The following DMD variants were observed in gnomAD, a reference collection of about 807,000 sequenced individuals.
DMD encodes the protein dystrophin.
DMD carries 63 observed loss-of-function variants against 330.1 expected under a neutral mutation model. The observed-to-expected ratio is 0.19, with a 90% CI of 0.16 to 0.24. The LOEUF (loss-of-function observed/expected upper bound fraction) is 0.24. Among genes scored for constraint, DMD ranks in the 10% least tolerant of loss-of-function variants. DMD has a pLI of 1.00. For missense variants in DMD, 3,344 were observed against 2,684.1 expected (o/e 1.25, Z -5.43); for synonymous variants, 1,223 against 959.8 (o/e 1.27, Z -5.07).
At chrX:32,729,618 AC>A (rs1236322224) in intron 7 of DMD, among the ~76,000 whole-genome samples, 2 of 111,573 alleles carry the variant, frequency 1.8e-5, no homozygotes, top group Non-Finnish European at 3.8e-5. Flanking sequence ...GCAGATTTCT[AC>A]CCTTGTAAGT....
chrX:32,817,938 T>C (rs1220357542), intron 5 of DMD, among the ~76,000 whole-genome samples: 1 of 112,363 alleles, frequency 8.9e-6, no homozygotes, highest in African/African-American at 3.2e-5. Flanking sequence ...TCACAATCCC[T>C]TGATAACTAA....
intron 60 of DMD, among the ~76,000 whole-genome samples, chrX:31,390,640 G>A (rs1290117625): frequency 3.6e-5 from 4 of 111,084 alleles, no homozygotes; most frequent in African/African-American, 1.3e-4. Context: ...ATTTTGTCTC[G>A]AAAATACATC....
At chrX:31,197,560 G>A (rs1330507884) in intron 67 of DMD, among the ~76,000 whole-genome samples, 2 of 111,740 alleles carry the variant, frequency 1.8e-5, no homozygotes, top group African/African-American at 3.3e-5. Context: ...TACAAATAGA[G>A]AAATTCAGAA....
At chrX:33,309,169 T>C (rs1315226746) in intron 1 of DMD, among the ~76,000 whole-genome samples, 1 of 111,839 alleles carries the variant, frequency 8.9e-6, no homozygotes, top group Non-Finnish European at 1.9e-5. Flanking sequence ...AGATGATTAA[T>C]AATACCTGCT....
intron 2 of DMD, among the ~76,000 whole-genome samples, chrX:32,914,923 G>T (rs73219748): frequency 0.051 from 5,482 of 107,941 alleles, 127 homozygotes; most frequent in African/African-American, 0.09. Flanking sequence ...TTTTTTTTTT[G>T]GATGAGAAAA....
At chrX:32,625,541 T>G (rs2058293147) in intron 11 of DMD, among the ~76,000 whole-genome samples, 1 of 111,940 alleles carries the variant, frequency 8.9e-6, no homozygotes, top group Non-Finnish European at 1.9e-5. Context: ...CATCCTAAGT[T>G]TAGCAATCTA....
chrX:32,261,954 G>A (rs2097325293), intron 43 of DMD, among the ~76,000 whole-genome samples: 1 of 111,632 alleles, frequency 9.0e-6, no homozygotes, highest in Non-Finnish European at 1.9e-5. Flanking sequence ...TTGTGAATAT[G>A]TTCTTTTTCT....
chrX:32,717,611 C>A (rs765607309), intron 7 of DMD, among the ~76,000 whole-genome samples: 2 of 111,567 alleles, frequency 1.8e-5, no homozygotes, highest in East Asian at 5.7e-4. Context: ...ACACAGAGTC[C>A]CCACTGGGGC....
intron 44 of DMD, among the ~76,000 whole-genome samples, chrX:32,123,875 G>A (rs762653934): frequency 1.3e-3 from 142 of 112,010 alleles, no homozygotes; most frequent in Middle Eastern, 4.7e-3. Flanking sequence ...CTAAGGTAAG[G>A]TACACTATTG....
intron 43 of DMD, among the ~76,000 whole-genome samples, chrX:32,251,805 C>G (rs1267857495): frequency 9.0e-6 from 1 of 110,659 alleles, no homozygotes; most frequent in Non-Finnish European, 1.9e-5. Context: ...TAACAAGACC[C>G]TGTCTCTTCA....
At chrX:32,268,170 A>G (rs1276082503) in intron 43 of DMD, among the ~76,000 whole-genome samples, 1 of 110,673 alleles carries the variant, frequency 9.0e-6, no homozygotes, top group African/African-American at 3.3e-5. Context: ...CCTCCCTCAC[A>G]TTGCCACAGA....
At chrX:32,007,355 C>T (rs963057242) in intron 44 of DMD, among the ~76,000 whole-genome samples, 20 of 109,349 alleles carry the variant, frequency 1.8e-4, no homozygotes, top group Non-Finnish European at 3.4e-4. Context: ...CCTGGGGCTA[C>T]CAGAAGCTGG....
At chrX:32,626,198 C>A (rs183678977) in intron 11 of DMD, among the ~76,000 whole-genome samples, 1 of 111,948 alleles carries the variant, frequency 8.9e-6, no homozygotes, top group African/African-American at 3.3e-5. Context: ...AGGCTGGGCA[C>A]AGTGGCTCAG....
intron 55 of DMD, among the ~76,000 whole-genome samples, chrX:31,520,892 G>T (rs1487319525): frequency 9.0e-6 from 1 of 110,513 alleles, no homozygotes; most frequent in Non-Finnish European, 1.9e-5. Context: ...TGTTAGCCAG[G>T]ATGGTCTCGA....
At chrX:32,035,440 C>A in intron 44 of DMD, 1 of 161,109 alleles carries the variant, frequency 6.2e-6, no homozygotes, top group Non-Finnish European at 1.2e-5. Context: ...TATTGAGTAC[C>A]TGCTGTGTGT....
At chrX:32,018,618 T>A (rs766201940) in intron 44 of DMD, among the ~76,000 whole-genome samples, 2 of 112,003 alleles carry the variant, frequency 1.8e-5, no homozygotes, top group East Asian at 5.6e-4. Flanking sequence ...TCATGATTTC[T>A]TCATTCTTTA....
chrX:32,828,581 C>CATCTATACACATATATACATATG (rs1569530078), intron 4 of DMD, among the ~76,000 whole-genome samples: 1 of 103,710 alleles, frequency 9.6e-6, no homozygotes, highest in Non-Finnish European at 1.9e-5. Context: ...ACATATATAT[C>CATCTATACACATATATACATATG]TATACATCTA....
intron 2 of DMD, among the ~76,000 whole-genome samples, chrX:32,867,820 A>G (rs1191656230): frequency 9.0e-6 from 1 of 111,709 alleles, no homozygotes; most frequent in Non-Finnish European, 1.9e-5. Flanking sequence ...TTGAACCTTA[A>G]ATTTAAATAA....
In DMD at chrX:32,386,301, T is replaced by C. The variant is rs2147556976; in HGVS notation, c.4674+9A>G. 2.5e-6 allele frequency: 3 copies of C among 1,208,510 alleles called. No individual in the cohort carries two copies. The highest frequency in any genetic ancestry group is 5.9e-5 in the East Asian group (2 of 33,757). On this transcript the variant is annotated intron_variant, in intron 33 of 78. Transcript: ENST00000357033. ...GAAAGAAGTGTTTGTGGTCTCAGCA[T>C]GCACACACCTTTGCTCCCAGCTCAT...
Sources: allele counts gnomAD v4.1 joint callset (sites outside exome capture counted in the v4.1 genomes callset), GRCh38; gene constraint gnomAD v4.1.1; transcripts MANE v1.5; gene names NCBI Gene and HGNC (gene_info 2026-07-23, HGNC 2026-07-21).